Variants in FNBP1 observed in about 807,000 individuals in gnomAD.
FNBP1 encodes the protein formin-binding protein 1.
A neutral mutation model predicts 90.6 loss-of-function variants in FNBP1; 26 were observed. The ratio of observed to expected loss-of-function variants is 0.29; its 90% CI spans 0.21 to 0.40. The LOEUF (loss-of-function observed/expected upper bound fraction) is 0.40, where lower values mean the gene tolerates loss of function less well. Among genes scored for constraint, FNBP1 ranks in the 10% least tolerant of loss-of-function variants. The pLI, the probability that FNBP1 is intolerant of heterozygous loss-of-function variation, is 1.00. For synonymous variants in FNBP1, 260 were observed against 265.2 expected, an observed-to-expected ratio of 0.98 and a Z score of 0.19; for missense variants, 635 against 768.0, an observed-to-expected ratio of 0.83 and a Z score of 2.05.
intron 11 of FNBP1, among the ~76,000 whole-genome samples, chr9:129,912,670 A>T (rs1292673573): frequency 6.8e-6 from 1 of 146,530 alleles, no homozygotes; most frequent in Non-Finnish European, 1.5e-5. Flanking sequence ...AGCCTGGACA[A>T]CATGAGTAAA....
chr9:130,038,092 C>A (rs10988574), intron 1 of FNBP1, among the ~76,000 whole-genome samples: 86,081 of 151,648 alleles, frequency 0.57, 24,702 homozygotes, highest in East Asian at 0.81. Context: ...CGGTGGCTCA[C>A]GCCTGTAATC....
intron 1 of FNBP1, among the ~76,000 whole-genome samples, chr9:130,001,740 C>T (rs1442271905): frequency 1.3e-5 from 2 of 151,072 alleles, no homozygotes; most frequent in African/African-American, 4.9e-5. Flanking sequence ...AAATTTCTTC[C>T]TAGCCGGGCA....
intron 10 of FNBP1, among the ~76,000 whole-genome samples, chr9:129,921,698 C>T (rs552985854): frequency 4.6e-5 from 7 of 152,310 alleles, no homozygotes; most frequent in South Asian, 4.1e-4. Context: ...CGGGCATGAG[C>T]CACTGTGCCA....
Position 129,900,565 on chromosome 9 carries a change from G to A in FNBP1, c.1429-18C>T, listed in dbSNP as rs377021873. On this transcript the variant is annotated intron_variant, in intron 13 of 16. Transcript: ENST00000446176. The surrounding 1 kb of genome is among the most constrained non-coding windows in gnomAD (Gnocchi z 4.1). The stretch of plus-strand genomic sequence containing the variant: ...AGCCAGGCCTGGAGACAAAAGCAAT[G>A]AGAGACTCCAACCTAAGGCCATCTG... 7.9e-6 allele frequency: 12 copies of A among 1,528,008 alleles called. No homozygotes were observed. Among genetic ancestry groups the A allele is most frequent in the Non-Finnish European group, 1.1e-5 (12 of 1,141,956 alleles). The allele number at this position is 1,528,008 out of a possible 1,614,324, so 94.7% of individuals were successfully genotyped here. A position where few individuals can be genotyped will look rare whatever the true frequency, so the allele number is the denominator to read the frequency against.
the FNBP1 span, among the ~76,000 whole-genome samples, chr9:130,050,660 TTA>T: frequency 1.1e-4 from 16 of 149,718 alleles, 2 homozygotes; most frequent in Admixed American, 1.3e-4. Context: ...TTTTTTTTTT[TTA>T]TTTGACAGGG....
In FNBP1 at chr9:129,889,963, G is replaced by T. The variant is rs2034963162; in HGVS notation, c.*576C>A. The T allele has an allele frequency of 8.4e-6, 2 of 238,546 alleles. No homozygotes were observed. The highest frequency in any genetic ancestry group is 1.2e-3 in the Middle Eastern group (1 of 814). 14.8% of individuals were successfully genotyped at this position (238,546 alleles called of 1,614,324 possible). A position where few individuals can be genotyped will look rare whatever the true frequency, so the allele number is the denominator to read the frequency against. On this transcript the variant is annotated 3_prime_UTR_variant, in exon 17 of 17. Transcript: ENST00000446176. ...CCCAGGTTGAGGGCATAGTGAAAGG[G>T]TCAATGTTTAGTATGAGGTGCAAGC...
At chr9:129,947,627 C>T (rs1016098318) in intron 6 of FNBP1, among the ~76,000 whole-genome samples, 4 of 143,472 alleles carry the variant, frequency 2.8e-5, no homozygotes, top group African/African-American at 1.0e-4. Flanking sequence ...CAGTGAGTTA[C>T]TTTTTTTTTT....
chr9:130,023,728 G>A (rs538908864), intron 1 of FNBP1, among the ~76,000 whole-genome samples: 21 of 152,178 alleles, frequency 1.4e-4, no homozygotes, highest in African/African-American at 4.8e-4. Flanking sequence ...GTACCCTCTC[G>A]GTGATGCCTA....
intron 4 of FNBP1, among the ~76,000 whole-genome samples, chr9:129,961,600 T>C (rs941997504): frequency 6.6e-6 from 1 of 152,124 alleles, no homozygotes; most frequent in Non-Finnish European, 1.5e-5. Flanking sequence ...CGGAGTCTTG[T>C]TCCGTTGCCC....
chr9:130,015,820 G>A lies in FNBP1; in HGVS notation c.25-20862C>T, dbSNP rs181436339. On this transcript the variant is annotated intron_variant, in intron 1 of 16. Coordinates refer to ENST00000446176, the MANE Select transcript of FNBP1 (RefSeq NM_015033.3). ...CTCCTGAGTAGCTGGGACTACAGGC[G>A]CAAGCCACCATGCCTGGCTAATTTT... is the stretch of plus-strand genomic sequence containing the variant. Among the ~76,000 whole-genome samples the A allele has an allele frequency of 3.6e-3, 552 of 152,182 alleles. 6 individuals are homozygous for A. The South Asian group carries it at 0.044, about 12-fold the overall frequency.
At chr9:129,989,900 T>C (rs76075379) in intron 2 of FNBP1, among the ~76,000 whole-genome samples, 2,465 of 152,140 alleles carry the variant, frequency 0.016, 35 homozygotes, top group Non-Finnish European at 0.027. Flanking sequence ...TAGCCGGGTG[T>C]GGCAGCGCAT....
At position 130,011,257 on chromosome 9, in the gene FNBP1, TATATATATATAA is replaced by T. The variant is rs1476107375; in HGVS notation, c.25-16311_25-16300del. 1.5e-3 allele frequency among the ~76,000 whole-genome samples: 112 copies of T among 72,934 alleles called. 1 individual carries two copies. Among genetic ancestry groups the T allele is most frequent in the Non-Finnish European group, 2.7e-3 (98 of 36,770 alleles). 47.8% of individuals were successfully genotyped at this position (72,934 alleles called of 152,430 possible). A position where few individuals can be genotyped will look rare whatever the true frequency, so the allele number is the denominator to read the frequency against. ...AAAAAAAAAAAAATATATATATATATATATATATATAAAATATATATAACATTATTACTTATA... is the reference window on the plus strand; with the variant it reads ...AAAAAAAAAAAAATATATATATATATAATATATATAACATTATTACTTATA... On this transcript the variant is annotated intron_variant, in intron 1 of 16. Coordinates refer to ENST00000446176, the MANE Select transcript of FNBP1 (RefSeq NM_015033.3).
At chr9:130,025,785 G>C (rs1453156756) in intron 1 of FNBP1, among the ~76,000 whole-genome samples, 1 of 152,120 alleles carries the variant, frequency 6.6e-6, no homozygotes, top group Non-Finnish European at 1.5e-5. Flanking sequence ...TTAGCCGGGC[G>C]TGGTGGCACA....
At chr9:129,912,462 G>A (rs953737133) in intron 11 of FNBP1, among the ~76,000 whole-genome samples, 1 of 152,082 alleles carries the variant, frequency 6.6e-6, no homozygotes, top group African/African-American at 2.4e-5. Context: ...GCCGAGGCGG[G>A]TGGATCACCT....
At chr9:129,901,493 C>T (rs968696548) in intron 13 of FNBP1, among the ~76,000 whole-genome samples, 2 of 151,966 alleles carry the variant, frequency 1.3e-5, no homozygotes, top group East Asian at 1.9e-4. Flanking sequence ...GTCGAGACTG[C>T]ACCACTGCAC....
At chr9:129,899,138 C>T (rs916306281) in intron 15 of FNBP1, among the ~76,000 whole-genome samples, 4 of 150,358 alleles carry the variant, frequency 2.7e-5, no homozygotes, top group Admixed American at 1.3e-4. Context: ...AGTACAGTGG[C>T]GCTATCTCAG....
chr9:130,036,911 G>A (rs1241995841), intron 1 of FNBP1, among the ~76,000 whole-genome samples: 1 of 152,100 alleles, frequency 6.6e-6, no homozygotes, highest in African/African-American at 2.4e-5. Context: ...CGGGCGCGGT[G>A]GCAGGCGCCT....
intron 4 of FNBP1, 112 bp downstream of exon 4, chr9:129,978,353 T>G: frequency 7.5e-5 from 66 of 885,300 alleles, no homozygotes; most frequent in Non-Finnish European, 1.0e-4. Flanking sequence ...CTCAAAGGTA[T>G]GAGTTTAAGA....
intron 4 of FNBP1, among the ~76,000 whole-genome samples, chr9:129,973,481 T>C (rs1342843487): frequency 6.6e-6 from 1 of 152,094 alleles, no homozygotes; most frequent in African/African-American, 2.4e-5. Flanking sequence ...CCTTTTCTTC[T>C]TTTCTTTTCT....
Sources: allele counts gnomAD v4.1 joint callset (sites outside exome capture counted in the v4.1 genomes callset), GRCh38; gene constraint gnomAD v4.1.1; non-coding constraint Gnocchi (gnomAD v3.1); transcripts MANE v1.5; gene names NCBI Gene and HGNC (gene_info 2026-07-23, HGNC 2026-07-21).